The following GALNT15 variants were observed in gnomAD, a reference collection of about 807,000 sequenced individuals.
GALNT15 encodes UDP-GalNAc transferase T15.
A neutral mutation model predicts 66.8 loss-of-function variants in GALNT15; 67 were observed. The ratio of observed to expected loss-of-function variants is 1.00; its 90% CI spans 0.82 to 1.23. The LOEUF (loss-of-function observed/expected upper bound fraction) is 1.23. Ranked by LOEUF, GALNT15 falls within the 50% of genes most tolerant of loss-of-function variation. GALNT15 has a pLI of 0.00. For synonymous variants in GALNT15, 313 were observed against 311.5 expected (o/e 1.00, Z -0.05); for missense variants, 827 against 804.3 (o/e 1.03, Z -0.34).
chr3:16,215,076 G>T (rs1334681038), intron 6 of GALNT15, among the ~76,000 whole-genome samples: 1 of 152,138 alleles, frequency 6.6e-6, no homozygotes. Flanking sequence ...TTTTTGATGC[G>T]CCAGACTAAC....
the GALNT15 span, among the ~76,000 whole-genome samples, chr3:16,237,849 A>G: frequency 6.6e-6 from 1 of 152,170 alleles, no homozygotes; most frequent in Non-Finnish European, 1.5e-5. The surrounding 1 kb of genome is among the most constrained non-coding windows in gnomAD (Gnocchi z 4.2). Context: ...GACCCTGGCT[A>G]TAATATCCCC....
At chr3:16,245,207 G>A in the GALNT15 span, among the ~76,000 whole-genome samples, 1 of 152,160 alleles carries the variant, frequency 6.6e-6, no homozygotes, top group Admixed American at 6.5e-5. Flanking sequence ...ACTTTAACGT[G>A]TCCTTATATT....
At position 16,227,390 on chromosome 3, in the gene GALNT15, A is replaced by G. The variant is rs573101406; in HGVS notation, c.1810A>G (p.Met604Val). Residue 604 changes from methionine to valine, a missense_variant, in exon 10 of 10, where the codon ATG becomes GTG. By Grantham distance (21) the Met-to-Val change is conservative. Transcript: ENST00000339732. This position sits in a 1 kb window ranked among gnomAD's most constrained non-coding sequence, Gnocchi z 4.5. ...TGTCCACATTCTTTCTGGGAAATGC[A>G]TGGAAGCTGTGGTGCAAGAAAACAA... The part of the protein sequence containing the change: ...MIVHILSGKC[M>V]EAVVQENNKD... 68 of 1,613,992 alleles carry G rather than the reference A, an allele frequency of 4.2e-5. No homozygotes were observed. In the South Asian group the frequency reaches 7.4e-4, roughly 17 times the overall value.
rs2063545343 is a variant in GALNT15 at position 16,188,853 on chromosome 3, C to G, written c.540-6907C>G. The stretch of plus-strand genomic sequence containing the variant: ...CAGGTCCTTAGCACCATTTCCCTCT[C>G]TGTCCTCACTTCCACCTCCCTCCTT... On this transcript the variant is annotated intron_variant, in intron 1 of 9. Transcript: ENST00000339732. This position sits in a 1 kb window ranked among gnomAD's most constrained non-coding sequence, Gnocchi z 4.6. Among the ~76,000 whole-genome samples the G allele has an allele frequency of 6.6e-6, 1 of 152,120 alleles. No homozygotes were observed. The highest frequency in any genetic ancestry group is 1.9e-4 in the East Asian group (1 of 5,186).
At chr3:16,240,299 C>A in the GALNT15 span, among the ~76,000 whole-genome samples, 3 of 152,206 alleles carry the variant, frequency 2.0e-5, no homozygotes, top group Non-Finnish European at 2.9e-5. Context: ...TATTAAATAT[C>A]TGTTATTTAC....
At position 16,211,775 on chromosome 3, in the gene GALNT15, C is replaced by T. The variant is rs186758791; in HGVS notation, c.1197+534C>T. Among the ~76,000 whole-genome samples the T allele has an allele frequency of 3.5e-4, 54 of 152,172 alleles. 1 individual carries two copies. The highest frequency in any genetic ancestry group is 1.3e-3 in the African/African-American group (53 of 41,498). On this transcript the variant is annotated intron_variant, in intron 5 of 9. Transcript: ENST00000339732. This position sits in a 1 kb window ranked among gnomAD's most constrained non-coding sequence, Gnocchi z 4.3. The stretch of plus-strand genomic sequence containing the variant: ...CACAGTATCCTCCGAAAACCCAACA[C>T]CAAAAAAAATTCATCATCAAGAGTG...
chr3:16,190,876 G>A (rs1192712828), intron 1 of GALNT15, among the ~76,000 whole-genome samples: 2 of 152,136 alleles, frequency 1.3e-5, no homozygotes, highest in Admixed American at 6.6e-5. Flanking sequence ...TGGTCTCCAG[G>A]CAGTTCTGCA....
Position 16,191,128 on chromosome 3 carries a change from T to C in GALNT15, c.540-4632T>C, listed in dbSNP as rs770823620. Among the ~76,000 whole-genome samples the C allele has an allele frequency of 2.0e-5, 3 of 152,180 alleles. No individual in the cohort carries two copies. The highest frequency in any genetic ancestry group is 6.5e-5 in the Admixed American group (1 of 15,284). ...GCCCATCCATTGGTTCACCATCTTC[T>C]CTCTCACTATGAGGAGAGAAGTTAC... On this transcript the variant is annotated intron_variant, in intron 1 of 9. Coordinates refer to ENST00000339732, the MANE Select transcript of GALNT15 (RefSeq NM_054110.5). The surrounding 1 kb of genome is among the most constrained non-coding windows in gnomAD (Gnocchi z 5.2).
rs2124841131 is a variant in GALNT15 at position 16,182,986 on chromosome 3, TA to T, written c.539+7297del. 6.6e-6 allele frequency: 1 copy of T among 152,512 alleles called. No individual in the cohort carries two copies. Among genetic ancestry groups the T allele is most frequent in the African/African-American group, 2.4e-5 (1 of 41,582 alleles). The allele number at this position is 152,512 out of a possible 1,614,324, so 9.4% of individuals were successfully genotyped here. ...GGATCTGGCAGGTTTCTCTGGCCGCTAGCCTGGGGAGGCTGTCCCTGTTAGG... is the reference window on the plus strand; with the variant it reads ...GGATCTGGCAGGTTTCTCTGGCCGCTGCCTGGGGAGGCTGTCCCTGTTAGG... On this transcript the variant is annotated intron_variant, in intron 1 of 9. Coordinates refer to ENST00000339732, the MANE Select transcript of GALNT15 (RefSeq NM_054110.5). The surrounding 1 kb of genome is among the most constrained non-coding windows in gnomAD (Gnocchi z 6.1).
chr3:16,246,003 A>C, the GALNT15 span, among the ~76,000 whole-genome samples: 3 of 152,296 alleles, frequency 2.0e-5, no homozygotes, highest in East Asian at 5.8e-4. Flanking sequence ...GGATGGGAAG[A>C]AGGTTTGGGG....
chr3:16,227,950 G>C lies in GALNT15; in HGVS notation c.*450G>C, dbSNP rs2064040998. Reference sequence around the variant, plus strand: ...AAGAGTGAAGCAGATGTAATGGCCTGACATTCCAAAAACTCTGAATTGGGT... The same window carrying C: ...AAGAGTGAAGCAGATGTAATGGCCTCACATTCCAAAAACTCTGAATTGGGT... On this transcript the variant is annotated 3_prime_UTR_variant, in exon 10 of 10. Coordinates refer to ENST00000339732, the MANE Select transcript of GALNT15 (RefSeq NM_054110.5). This position sits in a 1 kb window ranked among gnomAD's most constrained non-coding sequence, Gnocchi z 4.5. 1 of 994,440 alleles carries C rather than the reference G, an allele frequency of 1.0e-6. No individual in the cohort carries two copies. The highest frequency in any genetic ancestry group is 1.2e-6 in the Non-Finnish European group (1 of 836,138). 61.6% of individuals were successfully genotyped at this position (994,440 alleles called of 1,614,324 possible). A position where few individuals can be genotyped will look rare whatever the true frequency, so the allele number is the denominator to read the frequency against.
rs576731595 is a variant in GALNT15, at chr3:16,211,542, G to A, written c.1197+301G>A. ...CTCTCATACATTCTCTATTCACAGC[G>A]CTCTTAGCATCTTAGTAATTTTTTC... On this transcript the variant is annotated intron_variant, in intron 5 of 9. Transcript: ENST00000339732. This position sits in a 1 kb window ranked among gnomAD's most constrained non-coding sequence, Gnocchi z 4.3. Among the ~76,000 whole-genome samples the A allele has an allele frequency of 3.9e-5, 6 of 152,200 alleles. No individual in the cohort carries two copies. The highest frequency in any genetic ancestry group is 1.9e-4 in the East Asian group (1 of 5,186).
chr3:16,201,371 A>C (rs1461914133), intron 3 of GALNT15, among the ~76,000 whole-genome samples: 19 of 151,236 alleles, frequency 1.3e-4, no homozygotes, highest in East Asian at 3.9e-4. Context: ...TTAGTAGAGA[A>C]GGGGTTTCAC....
In GALNT15 at chr3:16,222,597, C is replaced by G; in HGVS notation, c.1630-18C>G. The G allele has an allele frequency of 6.2e-7, 1 of 1,614,138 alleles. No homozygotes were observed. The highest frequency in any genetic ancestry group is 8.5e-7 in the Non-Finnish European group (1 of 1,179,984). On this transcript the variant is annotated intron_variant, in intron 8 of 9. Coordinates refer to ENST00000339732, the MANE Select transcript of GALNT15 (RefSeq NM_054110.5). ...GATCTCTTTCTAGCTGCGCTAACAACTATTGCTTCTGTCACAGTACCTGCA... is the reference window on the plus strand; with the variant it reads ...GATCTCTTTCTAGCTGCGCTAACAAGTATTGCTTCTGTCACAGTACCTGCA...
rs923521203 is a variant in GALNT15 at position 16,187,496 on chromosome 3, C to A, written c.540-8264C>A. On this transcript the variant is annotated intron_variant, in intron 1 of 9. Transcript: ENST00000339732. The surrounding 1 kb of genome is among the most constrained non-coding windows in gnomAD (Gnocchi z 5.1). Reference sequence around the variant, plus strand: ...AGTTTTTCTTCAAGCAGACTGTAATCCTCTATTAGGCTACGTTGGTTTCAT... The same window carrying A: ...AGTTTTTCTTCAAGCAGACTGTAATACTCTATTAGGCTACGTTGGTTTCAT... Among the ~76,000 whole-genome samples, 6 of 152,126 alleles carry A rather than the reference C, an allele frequency of 3.9e-5. No individual in the cohort carries two copies. The highest frequency in any genetic ancestry group is 1.4e-4 in the African/African-American group (6 of 41,428).
intron 6 of GALNT15, among the ~76,000 whole-genome samples, chr3:16,214,479 T>G (rs1459074608): frequency 1.3e-5 from 2 of 152,248 alleles, no homozygotes; most frequent in East Asian, 3.8e-4. Context: ...GCACTTTAGA[T>G]GAGTGCCTGG....
downstream of GALNT15, among the ~76,000 whole-genome samples, chr3:16,236,578 AC>A (rs2064126777): frequency 6.6e-6 from 1 of 152,260 alleles, no homozygotes; most frequent in South Asian, 2.1e-4. Context: ...GAGAAATATT[AC>A]CAGCGAAATA....
At chr3:16,210,854 C>A (rs554574487) in intron 4 of GALNT15, among the ~76,000 whole-genome samples, 1 of 152,308 alleles carries the variant, frequency 6.6e-6, no homozygotes, top group South Asian at 2.1e-4. Flanking sequence ...AGGGGAGTCT[C>A]AGGTGTGGTC....
chr3:16,226,359 C>G (rs1321495786), intron 9 of GALNT15, among the ~76,000 whole-genome samples: 2 of 152,120 alleles, frequency 1.3e-5, no homozygotes, highest in African/African-American at 4.8e-5. Flanking sequence ...AGTCTGTTCT[C>G]ACACTGCTAT....
Sources: gnomAD v4.1 joint callset for allele counts (sites outside exome capture counted in the v4.1 genomes callset) on GRCh38, gnomAD v4.1.1 for gene constraint, Gnocchi (gnomAD v3.1) non-coding constraint, MANE v1.5 for transcripts, NCBI Gene and HGNC (gene_info 2026-07-23, HGNC 2026-07-21) for gene names.